Variants in TTC7A observed in about 807,000 individuals in gnomAD.
TTC7A encodes tetratricopeptide repeat domain 7A.
A neutral mutation model predicts 103.7 loss-of-function variants in TTC7A; 110 were observed. The observed-to-expected ratio is 1.06, with a 90% CI of 0.91 to 1.24. TTC7A has a LOEUF of 1.24. Among genes scored for constraint, TTC7A ranks in the 50% most tolerant of loss-of-function variants. The pLI is 0.00. For missense variants in TTC7A, 1,340 were observed against 1,116.3 expected, an observed-to-expected ratio of 1.20 and a Z score of -2.86; for synonymous variants, 521 against 467.9, an observed-to-expected ratio of 1.11 and a Z score of -1.47.
chr2:46,968,180 A>G (rs1416800231), intron 3 of TTC7A, among the ~76,000 whole-genome samples: 1 of 152,226 alleles, frequency 6.6e-6, no homozygotes, highest in African/African-American at 2.4e-5. Flanking sequence ...AGGCTGTGCC[A>G]GGATCAGCTT....
intron 15 of TTC7A, chr2:47,034,207 G>A (rs1026185887): frequency 1.6e-4 from 24 of 152,240 alleles, no homozygotes; most frequent in African/African-American, 5.8e-4. Context: ...GAAATCCTGT[G>A]GGCTTCTGAC....
chr2:47,026,881 C>T (rs996135102), intron 14 of TTC7A, among the ~76,000 whole-genome samples: 1 of 152,152 alleles, frequency 6.6e-6, no homozygotes. Flanking sequence ...TGGGAAGTGG[C>T]AGAGCCAGGA....
chr2:46,960,865 T>G (rs955611504), intron 3 of TTC7A, among the ~76,000 whole-genome samples: 8 of 152,254 alleles, frequency 5.3e-5, no homozygotes, highest in African/African-American at 1.9e-4. Flanking sequence ...GTCAGACAGA[T>G]GAGGACTTTC....
At chr2:46,987,453 C>T (rs1451222883) in intron 5 of TTC7A, among the ~76,000 whole-genome samples, 1 of 152,196 alleles carries the variant, frequency 6.6e-6, no homozygotes, top group South Asian at 2.1e-4. Context: ...TCTAACTGCA[C>T]TAGGACAAGT....
chr2:46,989,790 C>G (rs1205086244), intron 5 of TTC7A, among the ~76,000 whole-genome samples: 1 of 150,728 alleles, frequency 6.6e-6, no homozygotes, highest in Non-Finnish European at 1.5e-5. Context: ...AGTCCTGATT[C>G]TTTAATTGCG....
At chr2:47,044,992 A>G (rs13398062) in intron 15 of TTC7A, among the ~76,000 whole-genome samples, 29,700 of 152,168 alleles carry the variant, frequency 0.2, 3,707 homozygotes, top group African/African-American at 0.36. Flanking sequence ...CAGTCTGGGT[A>G]GGGACCCTCC....
intron 2 of TTC7A, among the ~76,000 whole-genome samples, chr2:46,925,593 G>T (rs1039046514): frequency 1.3e-5 from 2 of 152,060 alleles, no homozygotes; most frequent in Non-Finnish European, 1.5e-5. Context: ...TGCCTGGTCA[G>T]AATAAATTAA....
chr2:46,952,040 G>A (rs1401107357), intron 2 of TTC7A, among the ~76,000 whole-genome samples: 1 of 152,202 alleles, frequency 6.6e-6, no homozygotes, highest in Non-Finnish European at 1.5e-5. Context: ...AGACAAGGTT[G>A]TAAAGGTACT....
intron 14 of TTC7A, among the ~76,000 whole-genome samples, chr2:47,027,604 C>T (rs1430342178): frequency 6.6e-6 from 1 of 152,218 alleles, no homozygotes; most frequent in Non-Finnish European, 1.5e-5. Flanking sequence ...GCGGCAGCAC[C>T]AACTCTAGAA....
At chr2:47,008,657 C>G (rs558991283) in intron 10 of TTC7A, among the ~76,000 whole-genome samples, 3 of 152,286 alleles carry the variant, frequency 2.0e-5, no homozygotes, top group East Asian at 1.9e-4. Context: ...CCCTGCCCAC[C>G]AAATCAGTCT....
At chr2:47,066,480 T>A (rs1684189788) in intron 19 of TTC7A, among the ~76,000 whole-genome samples, 2 of 148,586 alleles carry the variant, frequency 1.3e-5, no homozygotes, top group Non-Finnish European at 2.9e-5. Context: ...AAGGCTCTGG[T>A]CTCTAAGGCC....
chr2:47,041,562 G>A (rs911333970), intron 15 of TTC7A, among the ~76,000 whole-genome samples: 5 of 152,158 alleles, frequency 3.3e-5, no homozygotes, highest in Non-Finnish European at 5.9e-5. Flanking sequence ...AGAACAGCCT[G>A]ACCTACATGC....
At chr2:47,057,098 C>G (rs563440961) in intron 18 of TTC7A, among the ~76,000 whole-genome samples, 1 of 152,352 alleles carries the variant, frequency 6.6e-6, no homozygotes, top group South Asian at 2.1e-4. Flanking sequence ...AGCTATCTGA[C>G]CATGGCTAGC....
chr2:47,010,239 G>GT (rs1677895894), intron 10 of TTC7A, among the ~76,000 whole-genome samples: 1 of 152,138 alleles, frequency 6.6e-6, no homozygotes, highest in Non-Finnish European at 1.5e-5. Context: ...AGGCCCAACA[G>GT]TTTTTTGCAA....
intron 3 of TTC7A, among the ~76,000 whole-genome samples, chr2:46,971,826 G>C (rs1035812776): frequency 2.6e-5 from 4 of 152,030 alleles, no homozygotes; most frequent in African/African-American, 4.8e-5. Flanking sequence ...GTACTGTGTG[G>C]GCACAAAGAT....
chr2:47,058,077 A>G (rs1244102362), intron 18 of TTC7A, among the ~76,000 whole-genome samples: 1 of 152,270 alleles, frequency 6.6e-6, no homozygotes, highest in East Asian at 1.9e-4. Context: ...CAAAGCGGAG[A>G]GGGAGAGCTG....
intron 2 of TTC7A, among the ~76,000 whole-genome samples, chr2:46,925,138 G>C (rs1182265189): frequency 6.6e-6 from 1 of 152,200 alleles, no homozygotes; most frequent in Non-Finnish European, 1.5e-5. Context: ...TTATTTCAGT[G>C]ATGGGGGTTG....
chr2:47,035,181 A>G (rs1338010014), intron 15 of TTC7A: 1 of 152,204 alleles, frequency 6.6e-6, no homozygotes, highest in Non-Finnish European at 1.5e-5. Flanking sequence ...ACTTAAACCC[A>G]GTGTGTTTAT....
intron 5 of TTC7A, among the ~76,000 whole-genome samples, chr2:46,987,809 C>CGCGTGTGTGTGTGTGTGTGT (rs1466713336): frequency 1.4e-5 from 2 of 144,550 alleles, no homozygotes; most frequent in East Asian, 4.1e-4. Flanking sequence ...CCTTTCCGCG[C>CGCGTGTGTGTGTGTGTGTGT]GTGTGTGTGT....
Sources: allele counts gnomAD v4.1 joint callset (sites outside exome capture counted in the v4.1 genomes callset), GRCh38; gene constraint gnomAD v4.1.1; transcripts MANE v1.5; gene names NCBI Gene and HGNC (gene_info 2026-07-23, HGNC 2026-07-21).